Variants in CDH13 observed in about 807,000 individuals in gnomAD.
CDH13 encodes the protein cadherin 13, also known as cadherin-13.
Under a neutral mutation model 63.8 loss-of-function variants are expected in CDH13, and 24 were observed. The observed-to-expected ratio is 0.38, with a 90% confidence interval of 0.27 to 0.53. CDH13 has a LOEUF of 0.53. CDH13 is among the 20% of genes least tolerant of loss of function. The pLI is 0.85. For missense variants in CDH13, 1,049 were observed against 903.1 expected (o/e 1.16, Z -2.07); for synonymous variants, 503 against 355.3 (o/e 1.42, Z -4.67).
intron 1 of CDH13, among the ~76,000 whole-genome samples, chr16:82,693,894 G>T (rs1567634756): frequency 6.6e-6 from 1 of 152,028 alleles, no homozygotes; most frequent in African/African-American, 2.4e-5. Context: ...AACATTCTTG[G>T]TTCAAACTTC....
At chr16:82,960,203 G>A (rs1337268443) in intron 2 of CDH13, among the ~76,000 whole-genome samples, 1 of 152,170 alleles carries the variant, frequency 6.6e-6, no homozygotes, top group Non-Finnish European at 1.5e-5. Flanking sequence ...ATGGGTGGGT[G>A]TGGCTGAGAT....
Position 82,878,491 on chromosome 16 carries a change from G to A in CDH13, c.157+20018G>A, listed in dbSNP as rs1444307712. ...CAGTAAGGTTGTCTCTGTTACTTGA[G>A]GCTTACAAGAAGGAAAGAATTCCCT... On this transcript the variant is annotated intron_variant, in intron 2 of 13. Coordinates refer to ENST00000567109, the MANE Select transcript of CDH13 (RefSeq NM_001257.5). 3.1e-5 allele frequency among the ~76,000 whole-genome samples: 3 copies of A among 96,178 alleles called. 1 individual carries two copies. The highest frequency in any genetic ancestry group is 1.1e-4 in the African/African-American group (3 of 27,214). The allele number at this position is 96,178 out of a possible 152,430, so 63.1% of individuals were successfully genotyped here.
At chr16:83,342,321 C>A (rs888425804) in intron 5 of CDH13, among the ~76,000 whole-genome samples, 3 of 152,180 alleles carry the variant, frequency 2.0e-5, no homozygotes, top group Non-Finnish European at 4.4e-5. Context: ...TATCACCTGT[C>A]TTTCCATGCT....
chr16:83,023,303 C>T (rs1482647313), intron 2 of CDH13, among the ~76,000 whole-genome samples: 2 of 152,060 alleles, frequency 1.3e-5, no homozygotes, highest in African/African-American at 4.8e-5. Context: ...TTTCACTACC[C>T]CCCGACTCCA....
chr16:82,710,923 C>G (rs2031889840), intron 1 of CDH13, among the ~76,000 whole-genome samples: 1 of 151,014 alleles, frequency 6.6e-6, no homozygotes, highest in African/African-American at 2.4e-5. Context: ...ATTTTATAAA[C>G]TGTCACCTGA....
At chr16:83,200,755 C>T (rs1409799707) in intron 4 of CDH13, among the ~76,000 whole-genome samples, 2 of 152,162 alleles carry the variant, frequency 1.3e-5, no homozygotes, top group Non-Finnish European at 2.9e-5. Flanking sequence ...TATTGACTCA[C>T]AGCTACTATG....
intron 10 of CDH13, among the ~76,000 whole-genome samples, chr16:83,747,486 T>C (rs1912699622): frequency 6.6e-6 from 1 of 152,164 alleles, no homozygotes; most frequent in African/African-American, 2.4e-5. Context: ...ATTAAAACTC[T>C]TTCTTTTGTA....
At chr16:83,624,899 G>A (rs1354821976) in intron 8 of CDH13, among the ~76,000 whole-genome samples, 2 of 152,336 alleles carry the variant, frequency 1.3e-5, no homozygotes, top group South Asian at 2.1e-4. Context: ...GCCTGGCCAT[G>A]ATTTGCATGT....
At chr16:82,856,512 T>A (rs286685) in intron 1 of CDH13, among the ~76,000 whole-genome samples, 39,281 of 150,286 alleles carry the variant, frequency 0.26, 5,329 homozygotes, top group Middle Eastern at 0.31. Context: ...GAGCAGCCTG[T>A]GCAACATAGT....
At chr16:83,260,073 T>C (rs995154588) in intron 5 of CDH13, among the ~76,000 whole-genome samples, 5 of 150,316 alleles carry the variant, frequency 3.3e-5, no homozygotes, top group Non-Finnish European at 3.0e-5. Flanking sequence ...ATAGTTTTTT[T>C]TTTTTGTAAC....
intron 4 of CDH13, among the ~76,000 whole-genome samples, chr16:83,148,579 C>T (rs887606168): frequency 5.3e-5 from 8 of 152,160 alleles, no homozygotes; most frequent in African/African-American, 1.9e-4. Context: ...GTGCCTGCCT[C>T]ATAGGATTTT....
chr16:82,746,641 A>G (rs1242333331), intron 1 of CDH13, among the ~76,000 whole-genome samples: 3 of 152,196 alleles, frequency 2.0e-5, no homozygotes, highest in Non-Finnish European at 4.4e-5. Flanking sequence ...AAATTAATCC[A>G]CTTATTTTCT....
chr16:82,666,491 A>G (rs1257568905), intron 1 of CDH13, among the ~76,000 whole-genome samples: 2 of 152,168 alleles, frequency 1.3e-5, no homozygotes, highest in African/African-American at 4.8e-5. Flanking sequence ...CCTTGAGCTA[A>G]CCTCTCACTT....
At chr16:82,806,793 G>A (rs1266864692) in intron 1 of CDH13, among the ~76,000 whole-genome samples, 2 of 152,136 alleles carry the variant, frequency 1.3e-5, no homozygotes, top group African/African-American at 4.8e-5. Flanking sequence ...CTCTAGCAGT[G>A]AAATTTCAGA....
At chr16:83,348,285 G>C (rs533828852) in intron 6 of CDH13, among the ~76,000 whole-genome samples, 78 of 152,322 alleles carry the variant, frequency 5.1e-4, no homozygotes, top group African/African-American at 1.8e-3. Flanking sequence ...CCAGCTGGGG[G>C]AAGTATTTGT....
In CDH13 at chr16:83,795,277, A is replaced by G. The variant is rs1300312422; in HGVS notation, c.*247A>G. 1 of 507,652 alleles carries G rather than the reference A, an allele frequency of 2.0e-6. No individual in the cohort carries two copies. The allele number at this position is 507,652 out of a possible 1,614,324, so 31.4% of individuals were successfully genotyped here. A position where few individuals can be genotyped will look rare whatever the true frequency, so the allele number is the denominator to read the frequency against. ...CCTGAATGTTTAAAGATCATGACAT[A>G]TGACTTGATCTTCTGGGAGCAGGAA... On this transcript the variant is annotated 3_prime_UTR_variant, in exon 14 of 14. Coordinates refer to ENST00000567109, the MANE Select transcript of CDH13 (RefSeq NM_001257.5).
At chr16:83,411,568 T>C (rs11861134) in intron 6 of CDH13, among the ~76,000 whole-genome samples, 35,889 of 152,120 alleles carry the variant, frequency 0.24, 4,470 homozygotes, top group Middle Eastern at 0.35. Flanking sequence ...AATATTGAGA[T>C]ACACTACCAT....
At chr16:83,421,141 T>C (rs969510115) in intron 6 of CDH13, among the ~76,000 whole-genome samples, 2 of 152,032 alleles carry the variant, frequency 1.3e-5, no homozygotes, top group African/African-American at 2.4e-5. Flanking sequence ...GGAGGAACAC[T>C]CATATTCCAG....
intron 2 of CDH13, among the ~76,000 whole-genome samples, chr16:82,972,739 A>G (rs937021168): frequency 2.6e-5 from 4 of 152,214 alleles, no homozygotes; most frequent in African/African-American, 9.6e-5. Flanking sequence ...GGGTATGATA[A>G]CTGAACTGGT....
Sources: allele counts gnomAD v4.1 joint callset (sites outside exome capture counted in the v4.1 genomes callset), GRCh38; gene constraint gnomAD v4.1.1; transcripts MANE v1.5; gene names NCBI Gene and HGNC (gene_info 2026-07-23, HGNC 2026-07-21).